NKAIN3: variants seen among roughly 807,000 people sequenced by gnomAD.
The protein encoded by NKAIN3 is sodium/potassium-transporting ATPase subunit beta-1-interacting protein 3.
Under a neutral mutation model 30.2 loss-of-function variants are expected in NKAIN3, and 25 were observed. The ratio of observed to expected loss-of-function variants is 0.83; its 90% CI spans 0.60 to 1.16. NKAIN3 has a LOEUF of 1.16. Ranked by LOEUF, NKAIN3 falls within the 50% of genes most tolerant of loss-of-function variation. The pLI, the probability that NKAIN3 is intolerant of heterozygous loss-of-function variation, is 0.00. For synonymous variants in NKAIN3, 91 were observed against 89.6 expected (o/e 1.02, Z -0.09); for missense variants, 225 against 254.1 (o/e 0.89, Z 0.78).
At chr8:62,796,782 T>TCACACACACACACA (rs1384802783) in intron 4 of NKAIN3, among the ~76,000 whole-genome samples, 7 of 30,334 alleles carry the variant, frequency 2.3e-4, no homozygotes, top group Admixed American at 4.5e-4. Flanking sequence ...AGTTTTTGTA[T>TCACACACACACACA]CACACATACA....
intron 1 of NKAIN3, among the ~76,000 whole-genome samples, chr8:62,272,325 G>A (rs1812802998): frequency 6.6e-6 from 1 of 152,160 alleles, no homozygotes; most frequent in Non-Finnish European, 1.5e-5. Flanking sequence ...GGGGATATGA[G>A]TGTTGTGGTT....
chr8:62,394,877 A>C (rs376742932), intron 1 of NKAIN3, among the ~76,000 whole-genome samples: 77 of 119,412 alleles, frequency 6.4e-4, no homozygotes, highest in African/African-American at 2.3e-3. Flanking sequence ...CGGCCGGGGG[A>C]GGCGCTCATC....
rs535601212 is a variant in NKAIN3 at position 62,673,978 on chromosome 8, G to T, written c.274-72954G>T. 2.0e-5 allele frequency among the ~76,000 whole-genome samples: 3 copies of T among 152,294 alleles called. No homozygotes were observed. In the East Asian group the frequency reaches 5.8e-4, roughly 29 times the overall value. On this transcript the variant is annotated intron_variant, in intron 3 of 6. Coordinates refer to ENST00000623646, the MANE Select transcript of NKAIN3 (RefSeq NM_001304533.3). ...TGGCACTATAAAAAATAATTTCCAG[G>T]TTCTAGTGGAAGGATTAAATCAGTC... is the stretch of plus-strand genomic sequence containing the variant.
At chr8:62,461,015 C>G (rs1805984312) in intron 1 of NKAIN3, among the ~76,000 whole-genome samples, 1 of 152,180 alleles carries the variant, frequency 6.6e-6, no homozygotes, top group African/African-American at 2.4e-5. Flanking sequence ...GAGTACCTGT[C>G]CAGGGCTGTG....
intron 5 of NKAIN3, among the ~76,000 whole-genome samples, chr8:62,943,457 C>G (rs148749478): frequency 6.6e-6 from 1 of 152,128 alleles, no homozygotes; most frequent in East Asian, 1.9e-4. Flanking sequence ...TAAACTAGTA[C>G]AACCACTACG....
rs116406834 is a variant in NKAIN3, at chr8:62,613,679, A to G, written c.273+23885A>G. The stretch of plus-strand genomic sequence containing the variant: ...ATTTTCCCTTTTGAGGCCATTTTCT[A>G]GATTGTTTAGGCATGTTTTATTGTT... On this transcript the variant is annotated intron_variant, in intron 3 of 6. Coordinates refer to ENST00000623646, the MANE Select transcript of NKAIN3 (RefSeq NM_001304533.3). Among the ~76,000 whole-genome samples the G allele has an allele frequency of 8.9e-3, 1,358 of 152,052 alleles. 20 individuals are homozygous for G. Among genetic ancestry groups the G allele is most frequent in the African/African-American group, 0.03 (1,246 of 41,470 alleles).
intron 4 of NKAIN3, among the ~76,000 whole-genome samples, chr8:62,768,354 A>G (rs1477823708): frequency 6.6e-6 from 1 of 152,192 alleles, no homozygotes; most frequent in Non-Finnish European, 1.5e-5. Flanking sequence ...CTCTGCTGAC[A>G]GGATACGCTA....
intron 6 of NKAIN3, among the ~76,000 whole-genome samples, chr8:62,956,319 A>G (rs781371810): frequency 6.6e-6 from 1 of 152,224 alleles, no homozygotes; most frequent in Non-Finnish European, 1.5e-5. Flanking sequence ...ACAGTGAAGT[A>G]GAAAGCCAGG....
At chr8:62,460,718 G>T (rs1418379449) in intron 1 of NKAIN3, among the ~76,000 whole-genome samples, 1 of 152,132 alleles carries the variant, frequency 6.6e-6, no homozygotes, top group African/African-American at 2.4e-5. Flanking sequence ...GTCAGTATTT[G>T]ACCTGTCTTT....
At chr8:62,840,282 T>G (rs534606874) in intron 4 of NKAIN3, among the ~76,000 whole-genome samples, 1 of 152,174 alleles carries the variant, frequency 6.6e-6, no homozygotes, top group Non-Finnish European at 1.5e-5. Context: ...ACTTAGTGTT[T>G]ACAATGCATA....
In NKAIN3 at chr8:62,272,646, C is replaced by T. The variant is rs925071193; in HGVS notation, c.54+23519C>T. On this transcript the variant is annotated intron_variant, in intron 1 of 6. Transcript: ENST00000623646. ...TTCTACTAAGGTTATTCTTACAACT[C>T]ATTTACCCATGTTGCCCATCTGGTT... Among the ~76,000 whole-genome samples the T allele has an allele frequency of 3.2e-4, 48 of 152,106 alleles. 2 individuals carry two copies. Among genetic ancestry groups the T allele is most frequent in the Admixed American group, 3.0e-3 (45 of 15,246 alleles).
At chr8:62,409,158 G>A (rs1350291689) in intron 1 of NKAIN3, among the ~76,000 whole-genome samples, 1 of 152,012 alleles carries the variant, frequency 6.6e-6, no homozygotes, top group East Asian at 1.9e-4. Flanking sequence ...TTTTGGAAAG[G>A]ACTTTCTGTA....
At chr8:62,315,350 CT>C (rs924062745) in intron 1 of NKAIN3, among the ~76,000 whole-genome samples, 12 of 152,182 alleles carry the variant, frequency 7.9e-5, no homozygotes, top group African/African-American at 2.9e-4. Context: ...TGTTTAGTGT[CT>C]TTATTTTAAT....
At chr8:62,500,485 G>GA (rs869159740) in intron 1 of NKAIN3, among the ~76,000 whole-genome samples, 6,463 of 130,908 alleles carry the variant, frequency 0.049, 205 homozygotes, top group East Asian at 0.087. Context: ...AAGAAAGAAA[G>GA]AAGAAAAGAA....
intron 5 of NKAIN3, among the ~76,000 whole-genome samples, chr8:62,932,721 CAT>C (rs1563634074): frequency 6.6e-6 from 1 of 152,080 alleles, no homozygotes; most frequent in Non-Finnish European, 1.5e-5. Flanking sequence ...ACTTGGCACT[CAT>C]GGAGAATGCC....
At chr8:62,282,365 G>T (rs1329910174) in intron 1 of NKAIN3, among the ~76,000 whole-genome samples, 2 of 152,126 alleles carry the variant, frequency 1.3e-5, no homozygotes, top group African/African-American at 4.8e-5. Flanking sequence ...CCGGGATGGC[G>T]AATGTAGTCA....
At chr8:62,430,351 A>G (rs1166004955) in intron 1 of NKAIN3, among the ~76,000 whole-genome samples, 3 of 143,366 alleles carry the variant, frequency 2.1e-5, no homozygotes, top group African/African-American at 7.8e-5. Context: ...TCTGAGATAC[A>G]TACATATATA....
At chr8:62,295,509 G>A (rs1196462791) in intron 1 of NKAIN3, among the ~76,000 whole-genome samples, 1 of 152,120 alleles carries the variant, frequency 6.6e-6, no homozygotes, top group Non-Finnish European at 1.5e-5. Flanking sequence ...AATAACAATT[G>A]TTGAGCTTCA....
At chr8:62,296,922 C>A (rs886696662) in intron 1 of NKAIN3, among the ~76,000 whole-genome samples, 1 of 152,142 alleles carries the variant, frequency 6.6e-6, no homozygotes, top group African/African-American at 2.4e-5. Context: ...TGTCTCCACC[C>A]ATTTGCTCAT....
Sources: gnomAD v4.1 joint callset for allele counts (sites outside exome capture counted in the v4.1 genomes callset) on GRCh38, gnomAD v4.1.1 for gene constraint, MANE v1.5 for transcripts, NCBI Gene and HGNC (gene_info 2026-07-23, HGNC 2026-07-21) for gene names.